The following USP7 variants were observed in gnomAD, a reference collection of about 807,000 sequenced individuals.
USP7 encodes ubiquitin specific peptidase 7.
A neutral mutation model predicts 162.9 loss-of-function variants in USP7; 9 were observed. The ratio of observed to expected loss-of-function variants is 0.06; its 90% CI spans 0.03 to 0.10. The LOEUF (loss-of-function observed/expected upper bound fraction) is 0.10. Ranked by LOEUF, USP7 falls within the 10% of genes least tolerant of loss-of-function variation. USP7 has a pLI of 1.00. For missense variants in USP7, 715 were observed against 1,373.7 expected (o/e 0.52, Z 7.58); for synonymous variants, 562 against 475.9 (o/e 1.18, Z -2.35).
At chr16:8,960,402 G>C (rs189968712) in intron 1 of USP7, among the ~76,000 whole-genome samples, 1 of 152,156 alleles carries the variant, frequency 6.6e-6, no homozygotes, top group Admixed American at 6.5e-5. Flanking sequence ...GAATATACAA[G>C]GACTGTGCAG....
At chr16:8,931,965 G>A (rs1898373639) in intron 1 of USP7, among the ~76,000 whole-genome samples, 1 of 152,164 alleles carries the variant, frequency 6.6e-6, no homozygotes, top group Non-Finnish European at 1.5e-5. Flanking sequence ...TAACAGCCAG[G>A]TAGTTGTGTG....
chr16:8,923,514 C>G, intron 2 of USP7, 101 bp from the exon 3 acceptor site: 5 of 1,248,176 alleles, frequency 4.0e-6, no homozygotes, highest in Non-Finnish European at 5.5e-6. Context: ...CCTGATTTAA[C>G]TGCTAAAACC....
intron 1 of USP7, among the ~76,000 whole-genome samples, chr16:8,937,874 GGGGAGCTTGCATCTATGT>G (rs1210268034): frequency 6.6e-6 from 1 of 152,192 alleles, no homozygotes. Flanking sequence ...TAGCCAGTCT[GGGGAGCTTGCATCTATGT>G]GGGAGCAAGA....
At chr16:8,910,238 G>C (rs767082582) in intron 11 of USP7, among the ~76,000 whole-genome samples, 2 of 152,090 alleles carry the variant, frequency 1.3e-5, no homozygotes, top group African/African-American at 4.8e-5. Flanking sequence ...ATCCAAGCGG[G>C]GGCTGGCCAC....
chr16:8,899,785 G>C, intron 21 of USP7, 28 bp from the exon 22 acceptor site: 1 of 1,614,008 alleles, frequency 6.2e-7, no homozygotes. Flanking sequence ...TTTGCAGTCT[G>C]AATCAAAGTC....
intron 25 of USP7, among the ~76,000 whole-genome samples, chr16:8,897,991 A>G (rs1259347722): frequency 6.6e-6 from 1 of 151,882 alleles, no homozygotes; most frequent in African/African-American, 2.4e-5. Flanking sequence ...CTTGGGGAGT[A>G]AGCGCAGAGT....
chr16:8,930,895 G>C (rs1314663610), intron 1 of USP7, among the ~76,000 whole-genome samples: 1 of 151,916 alleles, frequency 6.6e-6, no homozygotes, highest in Non-Finnish European at 1.5e-5. Flanking sequence ...CTTGAACTCA[G>C]GAGGCGGAGG....
chr16:8,897,726 A>ATATAT (rs61280114), intron 25 of USP7, among the ~76,000 whole-genome samples: 19 of 7,124 alleles, frequency 2.7e-3, no homozygotes, highest in Non-Finnish European at 3.5e-3. Context: ...AAAAAAAAAA[A>ATATAT]ATATATATAT....
intron 1 of USP7, among the ~76,000 whole-genome samples, chr16:8,935,002 A>T (rs1303106563): frequency 6.6e-6 from 1 of 152,236 alleles, no homozygotes; most frequent in Non-Finnish European, 1.5e-5. Flanking sequence ...ACACACAAGA[A>T]ATCTGTACTA....
intron 27 of USP7, 71 bp downstream of exon 27, chr16:8,895,571 G>C: frequency 1.6e-6 from 2 of 1,259,550 alleles, no homozygotes; most frequent in Non-Finnish European, 2.3e-6. Flanking sequence ...ACAACTTGCT[G>C]TGATATTTAA....
chr16:8,898,347 TA>T lies in USP7; in HGVS notation c.2718+12del. The T allele has an allele frequency of 6.3e-7, 1 of 1,587,226 alleles. No homozygotes were observed. Among genetic ancestry groups the T allele is most frequent in the Admixed American group, 1.8e-5 (1 of 55,804 alleles). On this transcript the variant is annotated intron_variant, in intron 25 of 30. Coordinates refer to ENST00000344836, the MANE Select transcript of USP7 (RefSeq NM_003470.3). ...CAATAAAAATTAAAATTCATAGTAT[TA>T]AAAAAACTTACCTCTTCCCTAAATT...
At chr16:8,899,404 G>A (rs1390326408) in intron 22 of USP7, 200 bp downstream of exon 22, 1 of 789,916 alleles carries the variant, frequency 1.3e-6, no homozygotes, top group South Asian at 1.9e-5. Context: ...ACTTTTAATG[G>A]TGAGGTCTAC....
chr16:8,949,379 G>A (rs899322132), intron 1 of USP7, among the ~76,000 whole-genome samples: 4 of 152,114 alleles, frequency 2.6e-5, no homozygotes, highest in African/African-American at 9.7e-5. Flanking sequence ...ACTACTGTTC[G>A]AGGCATTGAA....
intron 1 of USP7, among the ~76,000 whole-genome samples, chr16:8,944,202 A>G (rs1899178536): frequency 6.6e-6 from 1 of 150,864 alleles, no homozygotes; most frequent in Non-Finnish European, 1.5e-5. Context: ...TCTTAAAACA[A>G]AAGCAAAAAT....
Position 8,901,075 on chromosome 16 carries a change from T to C in USP7, c.2141-18A>G, listed in dbSNP as rs776795510. On this transcript the variant is annotated intron_variant, in intron 19 of 30. Coordinates refer to ENST00000344836, the MANE Select transcript of USP7 (RefSeq NM_003470.3). ...CAAGTCACCTAGGAGAAAGAAGATA[T>C]TTTAAATGTGTAGCTGTAATGTACT... 1.2e-6 allele frequency: 2 copies of C among 1,614,062 alleles called. No individual in the cohort carries two copies. Among genetic ancestry groups the C allele is most frequent in the Non-Finnish European group, 1.7e-6 (2 of 1,179,936 alleles).
In USP7 at chr16:8,904,544, G is replaced by A. The variant is rs767383534; in HGVS notation, c.1595C>T (p.Thr532Ile). ...SKLSEVLQAV[T>I]DHDIPQQLVE... ...CAACTGCTGAGGAATATCATGGTCG[G>A]TGACCGCCTGTAAAACTTCACCTGC... is the stretch of plus-strand genomic sequence containing the variant. Residue 532 changes from threonine to isoleucine, a missense_variant, in exon 15 of 31, where the codon ACC becomes ATC. This residue lies in a region of USP7 where 197 missense variants were observed against 306.5 expected (regional missense o/e 0.64). Coordinates refer to ENST00000344836, the MANE Select transcript of USP7 (RefSeq NM_003470.3). 1 of 1,614,010 alleles carries A rather than the reference G, an allele frequency of 6.2e-7. No homozygotes were observed. Among genetic ancestry groups the A allele is most frequent in the South Asian group, 1.1e-5 (1 of 91,078 alleles).
At chr16:8,905,148 A>T in intron 14 of USP7, 39 bp downstream of exon 14, 1 of 1,599,242 alleles carries the variant, frequency 6.3e-7, no homozygotes, top group Non-Finnish European at 8.6e-7. Flanking sequence ...GTCCAAGTCC[A>T]CCACAGTAAA....
At chr16:8,943,709 T>C (rs1013535205) in intron 1 of USP7, among the ~76,000 whole-genome samples, 8 of 152,206 alleles carry the variant, frequency 5.3e-5, no homozygotes, top group African/African-American at 1.9e-4. Flanking sequence ...TAGAGTCAAC[T>C]GTCCTTCCCA....
chr16:8,915,816 A>G (rs1334251074), intron 8 of USP7, among the ~76,000 whole-genome samples: 1 of 152,246 alleles, frequency 6.6e-6, no homozygotes, highest in Non-Finnish European at 1.5e-5. Context: ...GTGGAAAAGC[A>G]TGTAAAATTG....
Sources: allele counts gnomAD v4.1 joint callset (sites outside exome capture counted in the v4.1 genomes callset), GRCh38; gene constraint gnomAD v4.1.1; regional missense constraint gnomAD v4.1.1; transcripts MANE v1.5; gene names NCBI Gene and HGNC (gene_info 2026-07-23, HGNC 2026-07-21).